ANKRD11: variants seen among roughly 807,000 people sequenced by gnomAD.
The protein encoded by ANKRD11 is ankyrin repeat domain 11.
A neutral mutation model predicts 195.7 loss-of-function variants in ANKRD11; 17 were observed. The ratio of observed to expected loss-of-function variants is 0.09; its 90% CI spans 0.06 to 0.13. The LOEUF (loss-of-function observed/expected upper bound fraction) is 0.13, where lower values mean the gene tolerates loss of function less well. Among genes scored for constraint, ANKRD11 ranks in the 10% least tolerant of loss-of-function variants. ANKRD11 has a pLI of 1.00. For synonymous variants in ANKRD11, 1,953 were observed against 1,528.1 expected, an observed-to-expected ratio of 1.28 and a Z score of -6.49; for missense variants, 3,735 against 3,566.1, an observed-to-expected ratio of 1.05 and a Z score of -1.21.
intron 3 of ANKRD11, among the ~76,000 whole-genome samples, chr16:89,316,614 C>A (rs184708844): frequency 6.6e-6 from 1 of 152,224 alleles, no homozygotes; most frequent in African/African-American, 2.4e-5. Context: ...GAATGCCTGA[C>A]AGGCCTAACA....
chr16:89,476,882 C>A (rs1251417232), intron 1 of ANKRD11, among the ~76,000 whole-genome samples: 1 of 152,148 alleles, frequency 6.6e-6, no homozygotes, highest in Non-Finnish European at 1.5e-5. Context: ...TGGGCAGACT[C>A]ATCTCACAGT....
chr16:89,321,451 G>A (rs866939954), intron 2 of ANKRD11, among the ~76,000 whole-genome samples: 7 of 145,646 alleles, frequency 4.8e-5, no homozygotes, highest in Admixed American at 2.7e-4. Flanking sequence ...GGTGTGGGGC[G>A]GGAGCTGCGG....
At position 89,325,469 on chromosome 16, in the gene ANKRD11, T is replaced by TCTCTCACA. The variant is rs57249774; in HGVS notation, c.-59-8392_-59-8391insTGTGAGAG. Among the ~76,000 whole-genome samples, 6 of 147,742 alleles carry TCTCTCACA rather than the reference T, an allele frequency of 4.1e-5. No homozygotes were observed. The East Asian group carries it at 7.9e-4, about 19-fold the overall frequency. On this transcript the variant is annotated intron_variant, in intron 2 of 12. Transcript: ENST00000301030. ...CCTCTCCTCTCTCTCTCTCTCTCTC[T>TCTCTCACA]CACACACACACACACACACACACAC...
At chr16:89,465,855 C>T (rs1158037639) in intron 1 of ANKRD11, among the ~76,000 whole-genome samples, 4 of 152,156 alleles carry the variant, frequency 2.6e-5, no homozygotes, top group African/African-American at 9.7e-5. Flanking sequence ...GGACTGCAGG[C>T]GCCCGCCACC....
rs544888464 is a variant in ANKRD11 at position 89,311,475 on chromosome 16, C to T, written c.87+5458G>A. Among the ~76,000 whole-genome samples, 17 of 151,908 alleles carry T rather than the reference C, an allele frequency of 1.1e-4. No individual in the cohort carries two copies. In the East Asian group the frequency reaches 1.2e-3, roughly 10 times the overall value. ...ACCACATACAAAACATGAACCTCTA[C>T]GCTTACCTCACACCATATACAAAAC... On this transcript the variant is annotated intron_variant, in intron 3 of 12. Coordinates refer to ENST00000301030, the MANE Select transcript of ANKRD11 (RefSeq NM_013275.6).
chr16:89,461,788 T>C (rs1353233129), intron 1 of ANKRD11, among the ~76,000 whole-genome samples: 1 of 152,310 alleles, frequency 6.6e-6, no homozygotes, highest in South Asian at 2.1e-4. Context: ...CTAATAACTA[T>C]GGTCATTCCC....
chr16:89,442,135 C>T lies in ANKRD11; in HGVS notation c.-144-23767G>A, dbSNP rs183335528. 1.9e-3 allele frequency among the ~76,000 whole-genome samples: 295 copies of T among 152,292 alleles called. 2 individuals carry two copies. The highest frequency in any genetic ancestry group is 0.01 in the Middle Eastern group (3 of 294). On this transcript the variant is annotated intron_variant, in intron 1 of 12. Coordinates refer to ENST00000301030, the MANE Select transcript of ANKRD11 (RefSeq NM_013275.6). ...CAGTTGGCACACCGATGCAGTGCAC[C>T]GAGGGCCAAGGCGAAGGCCGCAGGG...
intron 1 of ANKRD11, among the ~76,000 whole-genome samples, chr16:89,425,594 G>A (rs767645777): frequency 6.6e-6 from 1 of 152,178 alleles, no homozygotes; most frequent in Non-Finnish European, 1.5e-5. Context: ...TCCTGACCTC[G>A]GTCGGTCTCC....
chr16:89,387,692 G>GAAAAAAAAAAAAAAA (rs920498026), intron 2 of ANKRD11, among the ~76,000 whole-genome samples: 3 of 67,490 alleles, frequency 4.4e-5, no homozygotes, highest in Non-Finnish European at 6.1e-5. Context: ...AAAAGAAAAA[G>GAAAAAAAAAAAAAAA]AAAAAAAAAA....
intron 2 of ANKRD11, chr16:89,324,700 T>G: frequency 2.9e-6 from 1 of 345,576 alleles, no homozygotes; most frequent in South Asian, 2.2e-5. Context: ...AGACTCCAAG[T>G]GCTTCAGCTT....
chr16:89,350,863 C>T (rs2039180740), intron 2 of ANKRD11, among the ~76,000 whole-genome samples: 2 of 152,132 alleles, frequency 1.3e-5, no homozygotes, highest in Non-Finnish European at 2.9e-5. Context: ...TGGAGTGGAA[C>T]GGGTCCCATG....
At chr16:89,340,722 TG>T (rs540510218) in intron 2 of ANKRD11, among the ~76,000 whole-genome samples, 53 of 152,292 alleles carry the variant, frequency 3.5e-4, no homozygotes, top group African/African-American at 1.0e-3. Flanking sequence ...TAAACTCAAG[TG>T]CTAACAGGAG....
chr16:89,312,386 G>C (rs957599353), intron 3 of ANKRD11, among the ~76,000 whole-genome samples: 6 of 152,248 alleles, frequency 3.9e-5, no homozygotes, highest in Non-Finnish European at 8.8e-5. Context: ...GAATCACGCA[G>C]GGGAGGGGCG....
At chr16:89,452,218 A>G (rs1434624217) in intron 1 of ANKRD11, among the ~76,000 whole-genome samples, 1 of 152,156 alleles carries the variant, frequency 6.6e-6, no homozygotes, top group African/African-American at 2.4e-5. Flanking sequence ...AGATCACACC[A>G]CTGCACTCCA....
chr16:89,271,226 T>C, intron 11 of ANKRD11: 1 of 402,100 alleles, frequency 2.5e-6, no homozygotes, highest in Non-Finnish European at 4.6e-6. Context: ...CACTGCCAAC[T>C]CCTGGGAGAG....
At chr16:89,300,403 C>A in intron 4 of ANKRD11, 1 of 185,956 alleles carries the variant, frequency 5.4e-6, no homozygotes. Flanking sequence ...TGCACATGCC[C>A]TTCCTGGCCA....
intron 6 of ANKRD11, 97 bp from the exon 7 acceptor site, chr16:89,288,767 C>T: frequency 1.9e-6 from 3 of 1,578,184 alleles, no homozygotes. Flanking sequence ...AGTGCGGGGA[C>T]AAGCCAGGTG....
At chr16:89,334,144 TAAAAAAAAAAAAAA>T (rs869142504) in intron 2 of ANKRD11, among the ~76,000 whole-genome samples, 4 of 41,416 alleles carry the variant, frequency 9.7e-5, no homozygotes, top group South Asian at 9.5e-4. Context: ...CCCTGTGTTT[TAAAAAAAAAAAAAA>T]AAAAAAAAAA....
intron 2 of ANKRD11, among the ~76,000 whole-genome samples, chr16:89,320,589 T>C (rs939040495): frequency 1.3e-5 from 2 of 152,204 alleles, no homozygotes; most frequent in Middle Eastern, 3.4e-3. Context: ...CCCAGCTTCG[T>C]GGACTGTCAG....
Sources: gnomAD v4.1 joint callset for allele counts (sites outside exome capture counted in the v4.1 genomes callset) on GRCh38, gnomAD v4.1.1 for gene constraint, MANE v1.5 for transcripts, NCBI Gene and HGNC (gene_info 2026-07-23, HGNC 2026-07-21) for gene names.